CREB5: variants seen among roughly 807,000 people sequenced by gnomAD.
The protein encoded by CREB5 is cAMP responsive element binding protein 5, also known as cyclic AMP-responsive element-binding protein 5.
A neutral mutation model predicts 57.1 loss-of-function variants in CREB5; 19 were observed. The observed-to-expected ratio is 0.33, with a 90% CI of 0.23 to 0.49. CREB5 has a LOEUF of 0.49. Among genes scored for constraint, CREB5 ranks in the 20% least tolerant of loss-of-function variants. The pLI, the probability that CREB5 is intolerant of heterozygous loss-of-function variation, is 0.99. For synonymous variants in CREB5, 238 were observed against 238.3 expected, an observed-to-expected ratio of 1.00 and a Z score of 0.01; for missense variants, 579 against 671.6, an observed-to-expected ratio of 0.86 and a Z score of 1.52.
At chr7:28,361,031 GC>G (rs147558929) in intron 1 of CREB5, among the ~76,000 whole-genome samples, 3,910 of 152,084 alleles carry the variant, frequency 0.026, 101 homozygotes, top group Admixed American at 0.058. Context: ...GCACAGAACA[GC>G]CCTCCACAAC....
intron 1 of CREB5, among the ~76,000 whole-genome samples, chr7:28,362,225 A>G (rs1206492773): frequency 2.0e-5 from 3 of 152,206 alleles, no homozygotes; most frequent in African/African-American, 7.2e-5. Context: ...TTTTGTGTCC[A>G]TCTGGGAATA....
chr7:28,335,243 G>C (rs1295206285), intron 1 of CREB5, among the ~76,000 whole-genome samples: 1 of 152,000 alleles, frequency 6.6e-6, no homozygotes, highest in Non-Finnish European at 1.5e-5. Flanking sequence ...AATGTCATTG[G>C]TATTTTAATA....
intron 3 of CREB5, among the ~76,000 whole-genome samples, 186 bp from the exon 4 acceptor site, chr7:28,507,430 T>A (rs12333835): frequency 6.6e-6 from 1 of 152,084 alleles, no homozygotes; most frequent in African/African-American, 2.4e-5. Context: ...TCTACTGTAT[T>A]CCTGCTTCGG....
At chr7:28,488,304 C>T in intron 2 of CREB5, 58 bp downstream of exon 2, 1 of 1,509,074 alleles carries the variant, frequency 6.6e-7, no homozygotes, top group East Asian at 2.3e-5. Flanking sequence ...GAAAGGGAAG[C>T]AACTCTCACC....
chr7:28,654,991 G>A (rs192655172), intron 5 of CREB5, among the ~76,000 whole-genome samples: 3 of 152,164 alleles, frequency 2.0e-5, no homozygotes, highest in Admixed American at 6.5e-5. Context: ...GCTCACTGCA[G>A]CCTCGACCTC....
At chr7:28,338,853 T>C (rs1054943021) in intron 1 of CREB5, among the ~76,000 whole-genome samples, 3 of 152,078 alleles carry the variant, frequency 2.0e-5, no homozygotes, top group African/African-American at 7.2e-5. Context: ...TTTCAAATAG[T>C]GTGTCTTCAA....
chr7:28,382,278 A>G (rs1786980901), intron 1 of CREB5, among the ~76,000 whole-genome samples: 2 of 151,996 alleles, frequency 1.3e-5, no homozygotes. Flanking sequence ...CAGTCCACAG[A>G]CTCACATGCC....
At chr7:28,698,685 A>G (rs1430607978) in intron 5 of CREB5, among the ~76,000 whole-genome samples, 1 of 152,176 alleles carries the variant, frequency 6.6e-6, no homozygotes, top group Non-Finnish European at 1.5e-5. Context: ...AAACAGCCAC[A>G]TTGTGGAAAT....
intron 1 of CREB5, among the ~76,000 whole-genome samples, chr7:28,405,993 G>A (rs42708): frequency 0.63 from 95,680 of 151,980 alleles, 30,193 homozygotes; most frequent in African/African-American, 0.66. Context: ...TAAGTTGCCT[G>A]GGTGTTTTTT....
chr7:28,494,357 C>T (rs1791927672), intron 2 of CREB5, among the ~76,000 whole-genome samples: 1 of 152,154 alleles, frequency 6.6e-6, no homozygotes, highest in African/African-American at 2.4e-5. Context: ...CTTAGGTAGG[C>T]ATTAGGACAC....
intron 1 of CREB5, among the ~76,000 whole-genome samples, chr7:28,431,982 C>CT (rs34222908): frequency 0.072 from 9,014 of 124,734 alleles, 830 homozygotes; most frequent in East Asian, 0.23. Context: ...ACAGCTATGC[C>CT]TTTTTTTTTT....
chr7:28,530,301 T>A (rs896995221), intron 4 of CREB5, among the ~76,000 whole-genome samples: 1 of 152,180 alleles, frequency 6.6e-6, no homozygotes, highest in African/African-American at 2.4e-5. Flanking sequence ...TTGAAAGACA[T>A]GCTGCTGTGT....
At chr7:28,712,440 G>A (rs191583948) in intron 5 of CREB5, among the ~76,000 whole-genome samples, 317 of 150,240 alleles carry the variant, frequency 2.1e-3, no homozygotes, top group African/African-American at 7.3e-3. Flanking sequence ...CCCAGGAGGC[G>A]GAGGTTGCAG....
chr7:28,498,911 A>T (rs1792164768), intron 3 of CREB5, among the ~76,000 whole-genome samples: 1 of 152,198 alleles, frequency 6.6e-6, no homozygotes, highest in Non-Finnish European at 1.5e-5. Flanking sequence ...GGAAGTTGTG[A>T]TGCAGAAGGT....
intron 4 of CREB5, among the ~76,000 whole-genome samples, chr7:28,527,310 T>C (rs978055514): frequency 6.6e-6 from 1 of 152,222 alleles, no homozygotes; most frequent in Non-Finnish European, 1.5e-5. Flanking sequence ...ATACAACTGC[T>C]TTTATCTCAG....
intron 1 of CREB5, among the ~76,000 whole-genome samples, chr7:28,466,533 G>T (rs2391666): frequency 1.6e-4 from 25 of 152,024 alleles, no homozygotes; most frequent in African/African-American, 5.8e-4. Flanking sequence ...CTAAGTCAAC[G>T]GCAATAAATC....
At chr7:28,505,474 A>G (rs1792444623) in intron 3 of CREB5, among the ~76,000 whole-genome samples, 1 of 152,320 alleles carries the variant, frequency 6.6e-6, no homozygotes, top group Admixed American at 6.5e-5. Flanking sequence ...GGATCATACA[A>G]CTTTAGAAAT....
intron 1 of CREB5, among the ~76,000 whole-genome samples, chr7:28,363,402 C>G (rs1786528215): frequency 6.6e-6 from 1 of 152,056 alleles, no homozygotes. Context: ...TGCTTCAGGA[C>G]TGAGCCTCAT....
chr7:28,740,069 G>T (rs1319245974), intron 7 of CREB5, among the ~76,000 whole-genome samples: 1 of 152,158 alleles, frequency 6.6e-6, no homozygotes, highest in Non-Finnish European at 1.5e-5. Context: ...AAAAAGGAAT[G>T]GGGGTGGGGG....
Sources: allele counts gnomAD v4.1 joint callset (sites outside exome capture counted in the v4.1 genomes callset), GRCh38; gene constraint gnomAD v4.1.1; transcripts MANE v1.5; gene names NCBI Gene and HGNC (gene_info 2026-07-23, HGNC 2026-07-21).